The following ERC1 variants were observed in gnomAD, a reference collection of about 807,000 sequenced individuals.
The protein encoded by ERC1 is ELKS/RAB6-interacting/CAST family member 1, also known as RAB6 interacting protein 2.
Under a neutral mutation model 132.0 loss-of-function variants are expected in ERC1, and 56 were observed. That is an observed-to-expected ratio of 0.42 (90% confidence interval 0.34 to 0.53). The LOEUF (loss-of-function observed/expected upper bound fraction) is 0.53, where lower values mean the gene tolerates loss of function less well. ERC1 is among the 20% of genes least tolerant of loss of function. The probability of loss-of-function intolerance (pLI) is 0.03; values close to 1 mark genes in which losing one functional copy is unlikely to be tolerated. For missense variants in ERC1, 1,202 were observed against 1,349.9 expected (o/e 0.89, Z 1.72); for synonymous variants, 478 against 476.1 (o/e 1.00, Z -0.05).
Position 1,352,412 on chromosome 12 carries a change from A to G in ERC1, c.2781-19421A>G, listed in dbSNP as rs568081364. On this transcript the variant is annotated intron_variant, in intron 15 of 18. Coordinates refer to ENST00000360905, the MANE Select transcript of ERC1 (RefSeq NM_178040.4). ...TATTGGGGGAATATGAGAAATTTCC[A>G]AATCACTGGACCATCAGGCTGGAAA... Among the ~76,000 whole-genome samples the G allele has an allele frequency of 3.9e-5, 6 of 152,340 alleles. No homozygotes were observed. The South Asian group carries it at 1.2e-3, about 32-fold the overall frequency.
At chr12:1,146,107 G>T (rs1441974784) in intron 8 of ERC1, among the ~76,000 whole-genome samples, 1 of 152,084 alleles carries the variant, frequency 6.6e-6, no homozygotes, top group Admixed American at 6.6e-5. Flanking sequence ...GTTCTGTGAA[G>T]AATGATGATG....
chr12:1,238,932 A>G (rs1405983702), intron 13 of ERC1, among the ~76,000 whole-genome samples: 1 of 152,210 alleles, frequency 6.6e-6, no homozygotes, highest in Non-Finnish European at 1.5e-5. Flanking sequence ...GTGTCTAAGT[A>G]AATGATAGAT....
At chr12:1,266,130 A>C (rs145525283) in intron 14 of ERC1, among the ~76,000 whole-genome samples, 50 of 152,290 alleles carry the variant, frequency 3.3e-4, no homozygotes, top group Non-Finnish European at 6.5e-4. Context: ...AAAAGCTGCC[A>C]AACAGTCTCC....
Position 1,236,880 on chromosome 12 carries a change from C to T in ERC1, c.2463C>T (p.Leu821=). The change falls in exon 13 of 19, where the codon CTC becomes CTT. Residue 821 remains leucine (L), a synonymous_variant. Transcript: ENST00000360905. The part of the protein sequence containing the change: ...LEEARRREDN[L]NDSSQQLQDS... ...AGGCGCGACGACGGGAGGACAATCTCAACGACAGCTCTCAGCAGCTACAGG... is the reference window on the plus strand; with the variant it reads ...AGGCGCGACGACGGGAGGACAATCTTAACGACAGCTCTCAGCAGCTACAGG... 1 of 1,614,018 alleles carries T rather than the reference C, an allele frequency of 6.2e-7. No homozygotes were observed. Among genetic ancestry groups the T allele is most frequent in the South Asian group, 1.1e-5 (1 of 91,074 alleles).
chr12:1,254,599 G>A (rs919201317), intron 13 of ERC1, among the ~76,000 whole-genome samples: 7 of 151,844 alleles, frequency 4.6e-5, no homozygotes, highest in South Asian at 2.1e-4. Flanking sequence ...TGCAACCACC[G>A]CCTCCCCGGT....
chr12:1,268,039 C>T (rs1366604265), intron 14 of ERC1, among the ~76,000 whole-genome samples: 1 of 152,092 alleles, frequency 6.6e-6, no homozygotes, highest in African/African-American at 2.4e-5. Context: ...TGAAAATCTC[C>T]TCTGTCATTT....
intron 18 of ERC1, among the ~76,000 whole-genome samples, chr12:1,469,185 C>A (rs1028996710): frequency 1.3e-5 from 2 of 152,254 alleles, no homozygotes; most frequent in Non-Finnish European, 2.9e-5. Flanking sequence ...TGTGACTCCA[C>A]GCAGCTCTCT....
At chr12:1,191,634 A>G (rs1172718257) in intron 12 of ERC1, among the ~76,000 whole-genome samples, 1 of 152,214 alleles carries the variant, frequency 6.6e-6, no homozygotes, top group African/African-American at 2.4e-5. Context: ...AGAGTAAGAA[A>G]TAGGACTAAG....
At chr12:1,405,640 T>C (rs1392427281) in intron 16 of ERC1, among the ~76,000 whole-genome samples, 5 of 152,122 alleles carry the variant, frequency 3.3e-5, no homozygotes, top group Non-Finnish European at 1.5e-5. Context: ...GAGGCAGAGG[T>C]TGCAGTGAGC....
At chr12:1,234,515 G>A (rs983142738) in intron 12 of ERC1, among the ~76,000 whole-genome samples, 2 of 152,198 alleles carry the variant, frequency 1.3e-5, no homozygotes, top group African/African-American at 4.8e-5. Flanking sequence ...GCTTCAATGT[G>A]ATTGGAATCA....
chr12:1,032,140 G>A lies in ERC1; in HGVS notation c.669+3568G>A, dbSNP rs1217025740. ...GGCTCACTGCAACCTCTGCCTCCTG[G>A]GTCCTGGTTCAAGCAGTTCTCCTGC... On this transcript the variant is annotated intron_variant, in intron 2 of 18. Coordinates refer to ENST00000360905, the MANE Select transcript of ERC1 (RefSeq NM_178040.4). Among the ~76,000 whole-genome samples, 4 of 151,666 alleles carry A rather than the reference G, an allele frequency of 2.6e-5. No individual in the cohort carries two copies. The East Asian group carries it at 5.8e-4, about 22-fold the overall frequency.
chr12:1,348,889 G>A (rs1381556746), intron 15 of ERC1, among the ~76,000 whole-genome samples: 1 of 152,094 alleles, frequency 6.6e-6, no homozygotes, highest in Non-Finnish European at 1.5e-5. Context: ...AAATATTTCT[G>A]ATTTGATTTT....
chr12:1,482,802 C>G (rs191178770), intron 18 of ERC1, among the ~76,000 whole-genome samples: 1 of 152,210 alleles, frequency 6.6e-6, no homozygotes, highest in East Asian at 1.9e-4. Flanking sequence ...TCACCCATTG[C>G]AAGTACATAA....
chr12:1,240,483 T>C (rs1284011114), intron 13 of ERC1, among the ~76,000 whole-genome samples: 2 of 152,222 alleles, frequency 1.3e-5, no homozygotes, highest in African/African-American at 4.8e-5. Flanking sequence ...TTAGTGTGTC[T>C]TTCAGTTCTA....
chr12:1,444,383 T>G, intron 17 of ERC1, 179 bp from the exon 18 acceptor site: 1 of 528,190 alleles, frequency 1.9e-6, no homozygotes, highest in Non-Finnish European at 3.3e-6. Flanking sequence ...AGCGTAAATG[T>G]GTGACAGTAT....
chr12:1,117,815 G>A (rs886579471), intron 7 of ERC1, among the ~76,000 whole-genome samples: 1 of 152,142 alleles, frequency 6.6e-6, no homozygotes, highest in Non-Finnish European at 1.5e-5. Context: ...GTATTTAGAT[G>A]ATCTGCATTT....
At chr12:1,099,871 A>G (rs1193225696) in intron 3 of ERC1, among the ~76,000 whole-genome samples, 2 of 95,220 alleles carry the variant, frequency 2.1e-5, no homozygotes, top group South Asian at 7.2e-4. Context: ...TTTTTTTGAC[A>G]GAGTCTTGCT....
At chr12:1,072,077 G>GA (rs1940479274) in intron 2 of ERC1, among the ~76,000 whole-genome samples, 1 of 151,276 alleles carries the variant, frequency 6.6e-6, no homozygotes, top group Admixed American at 6.6e-5. Flanking sequence ...CTCCAGCCTG[G>GA]GCAGCAGAGC....
Position 1,492,882 on chromosome 12 carries a change from C to T in ERC1, c.*2652C>T, listed in dbSNP as rs1427520777. The stretch of plus-strand genomic sequence containing the variant: ...ACACTAGGACTTGTCATTCCATGCC[C>T]CTCTCCTAGTGGTCATGGTTTCATA... On this transcript the variant is annotated 3_prime_UTR_variant, in exon 19 of 19. Coordinates refer to ENST00000360905, the MANE Select transcript of ERC1 (RefSeq NM_178040.4). The T allele has an allele frequency of 4.4e-6, 1 of 229,712 alleles. No homozygotes were observed. 14.2% of individuals were successfully genotyped at this position (229,712 alleles called of 1,614,324 possible).
Sources: allele counts gnomAD v4.1 joint callset (sites outside exome capture counted in the v4.1 genomes callset), GRCh38; gene constraint gnomAD v4.1.1; transcripts MANE v1.5; gene names NCBI Gene and HGNC (gene_info 2026-07-23, HGNC 2026-07-21).